The following STAG1 variants were observed in gnomAD, a reference collection of about 807,000 sequenced individuals.
The protein encoded by STAG1 is cohesin subunit SA-1.
Under a neutral mutation model 170.9 loss-of-function variants are expected in STAG1, and 26 were observed. The ratio of observed to expected loss-of-function variants is 0.15; its 90% CI spans 0.11 to 0.21. STAG1 has a LOEUF of 0.21. Ranked by LOEUF, STAG1 falls within the 10% of genes least tolerant of loss-of-function variation. The pLI is 1.00. For missense variants in STAG1, 964 were observed against 1,509.5 expected (o/e 0.64, Z 5.99); for synonymous variants, 514 against 497.7 (o/e 1.03, Z -0.44).
At chr3:136,402,332 T>C (rs113902130) in intron 21 of STAG1, among the ~76,000 whole-genome samples, 177 of 151,324 alleles carry the variant, frequency 1.2e-3, no homozygotes, top group African/African-American at 2.5e-3. Context: ...ATTCTCCCGC[T>C]TCAGCCACCT....
chr3:136,474,730 C>T (rs1009298077), intron 10 of STAG1, among the ~76,000 whole-genome samples: 5 of 152,210 alleles, frequency 3.3e-5, no homozygotes, highest in Non-Finnish European at 7.3e-5. Flanking sequence ...AGCTGAAGTG[C>T]CTGTGGCAGG....
At chr3:136,344,087 G>C in intron 29 of STAG1, 81 bp from the exon 30 acceptor site, 1 of 1,064,382 alleles carries the variant, frequency 9.4e-7, no homozygotes, top group Non-Finnish European at 1.3e-6. Flanking sequence ...CTTGTGAAGA[G>C]TGTGGCTCTG....
chr3:136,729,567 TTCC>T (rs1467860657), intron 1 of STAG1, among the ~76,000 whole-genome samples: 3 of 138,536 alleles, frequency 2.2e-5, no homozygotes, highest in African/African-American at 8.1e-5. Context: ...ATCTGTAGTT[TTCC>T]TTTTTTTTTT....
chr3:136,612,146 C>T (rs1939326543), intron 3 of STAG1, among the ~76,000 whole-genome samples: 1 of 152,154 alleles, frequency 6.6e-6, no homozygotes, highest in Non-Finnish European at 1.5e-5. Flanking sequence ...TGCGCCTGGC[C>T]TATGTGTGGA....
chr3:136,369,325 A>T, intron 23 of STAG1, 43 bp from the exon 24 acceptor site: 4 of 1,476,628 alleles, frequency 2.7e-6, no homozygotes, highest in Non-Finnish European at 3.6e-6. Context: ...TTACACAAAT[A>T]TAACTACAAG....
intron 15 of STAG1, among the ~76,000 whole-genome samples, 176 bp from the exon 16 acceptor site, chr3:136,433,835 A>G (rs547851576): frequency 1.3e-5 from 2 of 152,182 alleles, no homozygotes; most frequent in South Asian, 2.1e-4. Flanking sequence ...GCTTGCTGTC[A>G]TAAGTCAAAT....
chr3:136,565,178 A>G (rs1355763083), intron 5 of STAG1, among the ~76,000 whole-genome samples: 1 of 151,902 alleles, frequency 6.6e-6, no homozygotes, highest in Admixed American at 6.6e-5. Context: ...AAAGGAAAGG[A>G]AGAGAAATCA....
chr3:136,488,268 A>ACGTG, intron 9 of STAG1, among the ~76,000 whole-genome samples: 1 of 152,136 alleles, frequency 6.6e-6, no homozygotes, highest in South Asian at 2.1e-4. Context: ...GACTATAGGC[A>ACGTG]CGTGCCACTG....
intron 22 of STAG1, among the ~76,000 whole-genome samples, chr3:136,381,638 G>T (rs573102477): frequency 6.6e-6 from 1 of 152,230 alleles, no homozygotes; most frequent in East Asian, 1.9e-4. Flanking sequence ...ATAGGATGGG[G>T]CTGATAGAAG....
chr3:136,356,492 G>A (rs538538631), intron 28 of STAG1, among the ~76,000 whole-genome samples: 10 of 150,540 alleles, frequency 6.6e-5, no homozygotes, highest in South Asian at 2.1e-4. Flanking sequence ...GTGATTCTCC[G>A]ACCTCAGCCT....
chr3:136,521,215 G>A lies in STAG1; in HGVS notation c.674C>T (p.Ala225Val). ...GAAATAAAATGTTAATTACTTACCAGCCAGGGTACTTGTATGCCTAAAAGC... is the reference window on the plus strand; with the variant it reads ...GAAATAAAATGTTAATTACTTACCAACCAGGGTACTTGTATGCCTAAAAGC... Reference protein sequence around the residue: ...VRAFRHTSTLAAMKLMTALVN... With the variant: ...VRAFRHTSTLVAMKLMTALVN... Residue 225 changes from alanine to valine, a missense_variant and splice_region_variant, in exon 7 of 34, where the codon GCT becomes GTT. Transcript: ENST00000383202. 6.2e-7 allele frequency: 1 copy of A among 1,612,376 alleles called. No individual in the cohort carries two copies. The highest frequency in any genetic ancestry group is 8.5e-7 in the Non-Finnish European group (1 of 1,178,722).
chr3:136,570,283 G>A (rs565695705), intron 4 of STAG1, among the ~76,000 whole-genome samples: 1 of 152,220 alleles, frequency 6.6e-6, no homozygotes, highest in African/African-American at 2.4e-5. Flanking sequence ...ACATGATATT[G>A]AAACTCATAT....
In STAG1 at chr3:136,631,035, C is replaced by T. The variant is rs548316110; in HGVS notation, c.-83-54G>A. 92 of 828,426 alleles carry T rather than the reference C, an allele frequency of 1.1e-4. 1 individual carries two copies. In the Admixed American group the frequency reaches 1.4e-3, roughly 13 times the overall value. 51.3% of individuals were successfully genotyped at this position (828,426 alleles called of 1,614,324 possible). On this transcript the variant is annotated intron_variant, in intron 1 of 33. Coordinates refer to ENST00000383202, the MANE Select transcript of STAG1 (RefSeq NM_005862.3). The stretch of plus-strand genomic sequence containing the variant: ...AAAATAAAATGAGGATGACAAAATT[C>T]ATAAACTACAATCAATCCACACCAC...
intron 22 of STAG1, among the ~76,000 whole-genome samples, chr3:136,389,036 T>A (rs919798841): frequency 6.6e-6 from 1 of 152,194 alleles, no homozygotes; most frequent in Non-Finnish European, 1.5e-5. Flanking sequence ...CCTCAACCAA[T>A]CCTCCTGCCT....
chr3:136,458,124 T>C (rs184497368), intron 13 of STAG1, among the ~76,000 whole-genome samples: 2 of 152,270 alleles, frequency 1.3e-5, no homozygotes, highest in East Asian at 3.9e-4. Flanking sequence ...AAATAAACTG[T>C]ATTTTTTTCT....
intron 23 of STAG1, among the ~76,000 whole-genome samples, chr3:136,372,698 C>T (rs1357876002): frequency 6.6e-6 from 1 of 152,136 alleles, no homozygotes; most frequent in Non-Finnish European, 1.5e-5. Context: ...GGAATGAAGC[C>T]CACTTGATCA....
chr3:136,513,773 T>A (rs1446138989), intron 7 of STAG1, among the ~76,000 whole-genome samples: 1 of 151,658 alleles, frequency 6.6e-6, no homozygotes, highest in African/African-American at 2.4e-5. Flanking sequence ...CAAGAAACTA[T>A]CAAAAAATAT....
At chr3:136,556,570 GTTTT>G (rs375836305) in intron 5 of STAG1, among the ~76,000 whole-genome samples, 2 of 101,562 alleles carry the variant, frequency 2.0e-5, no homozygotes, top group African/African-American at 2.9e-5. Flanking sequence ...CTTGACATTC[GTTTT>G]TTTTTTGTTT....
intron 1 of STAG1, among the ~76,000 whole-genome samples, chr3:136,699,299 A>C (rs979682862): frequency 6.6e-6 from 1 of 152,212 alleles, no homozygotes; most frequent in Non-Finnish European, 1.5e-5. Context: ...TGCTGAGACC[A>C]CTGCTTTATT....
Sources: allele counts gnomAD v4.1 joint callset (sites outside exome capture counted in the v4.1 genomes callset), GRCh38; gene constraint gnomAD v4.1.1; transcripts MANE v1.5; gene names NCBI Gene and HGNC (gene_info 2026-07-23, HGNC 2026-07-21).